Variants in ADD3 observed in about 807,000 individuals in gnomAD.
ADD3 encodes adducin 3, also known as gamma-adducin.
ADD3 carries 25 observed loss-of-function variants against 80.2 expected under a neutral mutation model. The observed-to-expected ratio is 0.31, with a 90% CI of 0.23 to 0.44. The LOEUF (loss-of-function observed/expected upper bound fraction) is 0.44. ADD3 is among the 20% of genes least tolerant of loss of function. The probability of loss-of-function intolerance (pLI) is 1.00; values close to 1 mark genes in which losing one functional copy is unlikely to be tolerated. For synonymous variants in ADD3, 284 were observed against 289.6 expected (o/e 0.98, Z 0.20); for missense variants, 829 against 847.5 (o/e 0.98, Z 0.27).
intron 5 of ADD3, 139 bp from the exon 6 acceptor site, chr10:110,118,448 T>TGCA (rs1457400767): frequency 1.6e-6 from 1 of 642,122 alleles, no homozygotes; most frequent in Non-Finnish European, 2.8e-6. Flanking sequence ...TTTGAGTAAT[T>TGCA]GCAGCAGAGG....
chr10:110,128,417 TTTTA>T (rs1425149923), intron 12 of ADD3, among the ~76,000 whole-genome samples: 2 of 151,844 alleles, frequency 1.3e-5, no homozygotes, highest in Admixed American at 6.6e-5. Flanking sequence ...ATTTATTTTA[TTTTA>T]TTTATTTTTT....
At chr10:110,046,420 A>ATTT (rs61566100) in intron 1 of ADD3, among the ~76,000 whole-genome samples, 1 of 142,832 alleles carries the variant, frequency 7.0e-6, no homozygotes, top group Admixed American at 7.1e-5. Context: ...TTATACGTGG[A>ATTT]TTTTTTTTTT....
chr10:110,007,721 C>T (rs568730881), upstream of ADD3, among the ~76,000 whole-genome samples: 23 of 152,234 alleles, frequency 1.5e-4, no homozygotes, highest in South Asian at 4.6e-3. Flanking sequence ...AGCTTGAGGG[C>T]GCGGAGGGGG....
chr10:110,054,739 A>G (rs535328272), intron 1 of ADD3, among the ~76,000 whole-genome samples: 1 of 151,456 alleles, frequency 6.6e-6, no homozygotes, highest in Non-Finnish European at 1.5e-5. Context: ...TCAGCCTCCC[A>G]AGTAGCTGGG....
chr10:110,110,587 C>CTAT (rs1849892395), intron 2 of ADD3, among the ~76,000 whole-genome samples: 1 of 152,166 alleles, frequency 6.6e-6, no homozygotes, highest in Non-Finnish European at 1.5e-5. Context: ...AACTTCTCAA[C>CTAT]TATTGTTCTA....
intron 1 of ADD3, among the ~76,000 whole-genome samples, chr10:110,072,059 TTTTA>T (rs1844784920): frequency 6.6e-6 from 1 of 152,162 alleles, no homozygotes; most frequent in African/African-American, 2.4e-5. Context: ...CCATGTATAA[TTTTA>T]TTTATTTATT....
At chr10:109,998,775 G>A (rs752813152) in intron 1 of ADD3, among the ~76,000 whole-genome samples, 1 of 152,002 alleles carries the variant, frequency 6.6e-6, no homozygotes, top group Non-Finnish European at 1.5e-5. Context: ...GATCATTCAG[G>A]TCTCAGCTCA....
chr10:110,027,441 A>T (rs1854444050), intron 1 of ADD3, among the ~76,000 whole-genome samples: 1 of 152,238 alleles, frequency 6.6e-6, no homozygotes, highest in Non-Finnish European at 1.5e-5. Flanking sequence ...ACATTAAAAA[A>T]TTTTTAAAGA....
intron 3 of ADD3, among the ~76,000 whole-genome samples, chr10:110,115,741 T>C (rs535455864): frequency 7.6e-4 from 115 of 152,216 alleles, no homozygotes; most frequent in African/African-American, 2.5e-3. Context: ...TGAGCAAAAG[T>C]TGAACTTGGT....
chr10:110,052,413 G>T (rs988983544), intron 1 of ADD3, among the ~76,000 whole-genome samples: 1 of 152,184 alleles, frequency 6.6e-6, no homozygotes, highest in Admixed American at 6.5e-5. Flanking sequence ...CTTCCTATCA[G>T]ATCAGTGGTA....
At chr10:110,023,843 C>T (rs1853970115) in intron 1 of ADD3, among the ~76,000 whole-genome samples, 1 of 152,150 alleles carries the variant, frequency 6.6e-6, no homozygotes, top group African/African-American at 2.4e-5. Flanking sequence ...GAAGGTGCTT[C>T]CCCTATGCTG....
At chr10:110,121,996 C>T (rs1342765160) in intron 8 of ADD3, 114 bp from the exon 9 acceptor site, 2 of 828,216 alleles carry the variant, frequency 2.4e-6, no homozygotes, top group Non-Finnish European at 3.7e-6. Context: ...TTGTTAGTAG[C>T]CTGAGCAAGT....
chr10:110,098,388 C>T (rs1253955179), intron 1 of ADD3, among the ~76,000 whole-genome samples: 1 of 152,124 alleles, frequency 6.6e-6, no homozygotes, highest in Non-Finnish European at 1.5e-5. Flanking sequence ...CAAAAATGTG[C>T]TTTCAGATGT....
intron 1 of ADD3, among the ~76,000 whole-genome samples, chr10:110,098,851 G>A (rs1372381161): frequency 2.6e-5 from 4 of 151,856 alleles, no homozygotes; most frequent in South Asian, 2.1e-4. Context: ...GGCTGGTCTC[G>A]AACTCCTGAC....
intron 11 of ADD3, 52 bp from the exon 12 acceptor site, chr10:110,126,365 C>A: frequency 7.5e-7 from 1 of 1,336,234 alleles, no homozygotes; most frequent in South Asian, 1.2e-5. Context: ...AAGCAAAGGT[C>A]ATCTGCATAG....
chr10:110,017,896 T>G (rs986663125), intron 1 of ADD3, among the ~76,000 whole-genome samples: 7 of 152,188 alleles, frequency 4.6e-5, no homozygotes, highest in African/African-American at 1.7e-4. Flanking sequence ...GGTATCTTGT[T>G]TAAAAAGGTT....
At position 110,097,777 on chromosome 10, in the gene ADD3, C is replaced by CTT. The variant is rs137999902; in HGVS notation, c.-29-2834_-29-2833dup. Reference sequence around the variant, plus strand: ...TTACAGTTCCTTAGTCTTTGTTTTTCTTTTTTTTTTTTTTTGAGATAGAGT... The same window carrying CTT: ...TTACAGTTCCTTAGTCTTTGTTTTTCTTTTTTTTTTTTTTTTTGAGATAGAGT... On this transcript the variant is annotated intron_variant, in intron 1 of 14. Transcript: ENST00000356080. Among the ~76,000 whole-genome samples, 434 of 137,148 alleles carry CTT rather than the reference C, an allele frequency of 3.2e-3. 5 individuals carry two copies. The highest frequency in any genetic ancestry group is 0.01 in the African/African-American group (383 of 37,078). 90.0% of individuals were successfully genotyped at this position (137,148 alleles called of 152,430 possible).
intron 1 of ADD3, among the ~76,000 whole-genome samples, chr10:110,013,452 G>C (rs1056911844): frequency 6.6e-6 from 1 of 152,124 alleles, no homozygotes; most frequent in Non-Finnish European, 1.5e-5. Flanking sequence ...TTTCTGCAGT[G>C]GGCATATGCA....
At chr10:110,000,208 C>T (rs1851458960) in intron 1 of ADD3, among the ~76,000 whole-genome samples, 1 of 152,148 alleles carries the variant, frequency 6.6e-6, no homozygotes, top group Non-Finnish European at 1.5e-5. Flanking sequence ...GCGTGAGCCA[C>T]CGCACCTGGC....
Sources: allele counts gnomAD v4.1 joint callset (sites outside exome capture counted in the v4.1 genomes callset), GRCh38; gene constraint gnomAD v4.1.1; transcripts MANE v1.5; gene names NCBI Gene and HGNC (gene_info 2026-07-23, HGNC 2026-07-21).